PARD3B: variants seen among roughly 807,000 people sequenced by gnomAD.
PARD3B encodes the protein par-3 family cell polarity regulator beta.
Under a neutral mutation model 130.2 loss-of-function variants are expected in PARD3B, and 103 were observed. That is an observed-to-expected ratio of 0.79 (90% CI 0.67 to 0.93). The LOEUF is 0.93. PARD3B is among the 40% of genes least tolerant of loss of function. The pLI, the probability that PARD3B is intolerant of heterozygous loss-of-function variation, is 0.00. For missense variants in PARD3B, 1,609 were observed against 1,499.2 expected (o/e 1.07, Z -1.21); for synonymous variants, 583 against 553.2 (o/e 1.05, Z -0.76).
At chr2:205,512,462 C>G (rs1316711423) in intron 21 of PARD3B, among the ~76,000 whole-genome samples, 2 of 152,200 alleles carry the variant, frequency 1.3e-5, no homozygotes, top group East Asian at 3.8e-4. Context: ...AAGCTTCCTT[C>G]AAATGATCAT....
intron 2 of PARD3B, among the ~76,000 whole-genome samples, chr2:204,909,874 T>C (rs989654324): frequency 1.1e-4 from 16 of 152,226 alleles, no homozygotes; most frequent in African/African-American, 2.9e-4. Flanking sequence ...CTTAGATTTT[T>C]TCGAACTATT....
At chr2:204,587,778 C>A (rs895758020) in intron 1 of PARD3B, among the ~76,000 whole-genome samples, 1 of 152,154 alleles carries the variant, frequency 6.6e-6, no homozygotes, top group African/African-American at 2.4e-5. Flanking sequence ...ATAATCCCCA[C>A]ATGTCATGGG....
At position 204,704,957 on chromosome 2, in the gene PARD3B, A is replaced by G. The variant is rs78267226; in HGVS notation, c.222+18675A>G. On this transcript the variant is annotated intron_variant, in intron 2 of 22. Coordinates refer to ENST00000406610, the MANE Select transcript of PARD3B (RefSeq NM_001302769.2). Reference sequence around the variant, plus strand: ...GAACTGGAGCGAGGCATTATGTAGTAGTATTTATTAGAGCTGCCCAATTTT... The same window carrying G: ...GAACTGGAGCGAGGCATTATGTAGTGGTATTTATTAGAGCTGCCCAATTTT... 3.9e-3 allele frequency among the ~76,000 whole-genome samples: 598 copies of G among 152,316 alleles called. 3 individuals carry two copies. Among genetic ancestry groups the G allele is most frequent in the African/African-American group, 0.014 (567 of 41,570 alleles).
At chr2:204,985,537 A>G (rs2125223804) in intron 3 of PARD3B, among the ~76,000 whole-genome samples, 1 of 152,324 alleles carries the variant, frequency 6.6e-6, no homozygotes. Context: ...CTTGCCATGC[A>G]CCACACACAT....
intron 15 of PARD3B, among the ~76,000 whole-genome samples, chr2:205,202,481 T>C (rs2037049185): frequency 6.6e-6 from 1 of 152,214 alleles, no homozygotes; most frequent in Non-Finnish European, 1.5e-5. Flanking sequence ...ATATCTTTTG[T>C]GTAGGAATTG....
chr2:205,003,223 A>G (rs572854607), intron 3 of PARD3B, among the ~76,000 whole-genome samples: 20 of 152,272 alleles, frequency 1.3e-4, no homozygotes, highest in African/African-American at 4.8e-4. Context: ...TTGTGATTAC[A>G]TTGGACTGAG....
intron 21 of PARD3B, among the ~76,000 whole-genome samples, chr2:205,552,770 G>A (rs775747404): frequency 4.6e-5 from 7 of 151,980 alleles, no homozygotes; most frequent in African/African-American, 9.7e-5. Flanking sequence ...CTATAATGGC[G>A]TGAAAACTAA....
intron 15 of PARD3B, among the ~76,000 whole-genome samples, chr2:205,226,555 C>G (rs1354570697): frequency 6.6e-6 from 1 of 152,050 alleles, no homozygotes; most frequent in Non-Finnish European, 1.5e-5. Flanking sequence ...AGATAAGAGT[C>G]TAGTTTCATT....
rs72948036 is a variant in PARD3B at position 205,470,496 on chromosome 2, G to T, written c.3045-29400G>T. 7.5e-3 allele frequency among the ~76,000 whole-genome samples: 1,146 copies of T among 152,228 alleles called. 12 individuals carry two copies. Among genetic ancestry groups the T allele is most frequent in the Middle Eastern group, 0.027 (8 of 294 alleles). On this transcript the variant is annotated intron_variant, in intron 20 of 22. Coordinates refer to ENST00000406610, the MANE Select transcript of PARD3B (RefSeq NM_001302769.2). The surrounding 1 kb of genome is among the most constrained non-coding windows in gnomAD (Gnocchi z 4.8). ...TTAACCCCAGATTTCAGGAGTTAGA[G>T]CATTTCTCCTGAATCTCCCTAAACT...
chr2:205,393,635 T>C (rs186213612), intron 18 of PARD3B, among the ~76,000 whole-genome samples: 1 of 152,334 alleles, frequency 6.6e-6, no homozygotes, highest in Non-Finnish European at 1.5e-5. Flanking sequence ...GACTTTTTAG[T>C]TCTCACAGGA....
chr2:204,547,857 A>C (rs1195379683), intron 1 of PARD3B, among the ~76,000 whole-genome samples: 1 of 152,196 alleles, frequency 6.6e-6, no homozygotes. Context: ...AAAGGTGTTA[A>C]AATATTGACA....
At chr2:204,783,346 C>T (rs1445599174) in intron 2 of PARD3B, among the ~76,000 whole-genome samples, 3 of 152,064 alleles carry the variant, frequency 2.0e-5, no homozygotes. Context: ...GTGGCCTGTT[C>T]TCTGTGTGGG....
At chr2:204,733,379 G>A (rs920495492) in intron 2 of PARD3B, among the ~76,000 whole-genome samples, 3 of 151,800 alleles carry the variant, frequency 2.0e-5, no homozygotes, top group Non-Finnish European at 4.4e-5. Flanking sequence ...AAGTAAATGA[G>A]AGATACAGTT....
At chr2:205,411,472 ATG>A (rs2046595823) in intron 19 of PARD3B, among the ~76,000 whole-genome samples, 1 of 152,128 alleles carries the variant, frequency 6.6e-6, no homozygotes, top group Non-Finnish European at 1.5e-5. Context: ...TTCAAGTCTC[ATG>A]TGTTAAATGA....
intron 20 of PARD3B, among the ~76,000 whole-genome samples, chr2:205,494,605 T>C (rs2049857108): frequency 6.6e-6 from 1 of 152,214 alleles, no homozygotes; most frequent in African/African-American, 2.4e-5. Context: ...TCTATTACTT[T>C]GGTTACTTCT....
intron 21 of PARD3B, among the ~76,000 whole-genome samples, chr2:205,540,815 T>C (rs1340676143): frequency 1.3e-5 from 2 of 152,200 alleles, no homozygotes; most frequent in African/African-American, 2.4e-5. Flanking sequence ...CAATCTTCCA[T>C]GGGTTTGTGT....
Position 205,615,989 on chromosome 2 carries a change from AT to A in PARD3B, c.*178del, listed in dbSNP as rs2055421107. On this transcript the variant is annotated 3_prime_UTR_variant, in exon 23 of 23. Transcript: ENST00000406610. Reference sequence around the variant, plus strand: ...CAGAGAGAAAAAGAAGGGGAAGGGAATTGGGGAGGAAAAAAAATCAGAAGGA... The same window carrying A: ...CAGAGAGAAAAAGAAGGGGAAGGGAATGGGGAGGAAAAAAAATCAGAAGGA... The A allele has an allele frequency of 2.3e-5, 14 of 599,310 alleles. No individual in the cohort carries two copies. The South Asian group carries it at 3.9e-4, about 17-fold the overall frequency. 37.1% of individuals were successfully genotyped at this position (599,310 alleles called of 1,614,324 possible).
At chr2:205,427,283 G>A (rs1291966137) in intron 19 of PARD3B, among the ~76,000 whole-genome samples, 1 of 152,190 alleles carries the variant, frequency 6.6e-6, no homozygotes, top group Non-Finnish European at 1.5e-5. Flanking sequence ...AAGCCACAGT[G>A]GTAACAATAT....
rs139686008 is a variant in PARD3B, at chr2:204,906,097, C to T, written c.223-59055C>T. On this transcript the variant is annotated intron_variant, in intron 2 of 22. Coordinates refer to ENST00000406610, the MANE Select transcript of PARD3B (RefSeq NM_001302769.2). This position sits in a 1 kb window ranked among gnomAD's most constrained non-coding sequence, Gnocchi z 4.3. ...TAAATAATGGCTTATTAAAGGGTTC[C>T]TGATGGTAGTTTGTGATTGATGTAG... is the stretch of plus-strand genomic sequence containing the variant. 0.011 allele frequency among the ~76,000 whole-genome samples: 1,622 copies of T among 152,236 alleles called. 8 individuals are homozygous for T. The highest frequency in any genetic ancestry group is 0.017 in the Non-Finnish European group (1,168 of 68,018).
Sources: gnomAD v4.1 joint callset for allele counts (sites outside exome capture counted in the v4.1 genomes callset) on GRCh38, gnomAD v4.1.1 for gene constraint, Gnocchi (gnomAD v3.1) non-coding constraint, MANE v1.5 for transcripts, NCBI Gene and HGNC (gene_info 2026-07-23, HGNC 2026-07-21) for gene names.